SH3PXD2A: variants seen among roughly 807,000 people sequenced by gnomAD.
SH3PXD2A encodes the protein SH3 and PX domains 2A, also known as SH3 and PX domain-containing protein 2A.
In SH3PXD2A, 32 loss-of-function variants were observed where a neutral mutation model predicts 115.2. That is an observed-to-expected ratio of 0.28 (90% CI 0.21 to 0.37). The LOEUF is 0.37. Ranked by LOEUF, SH3PXD2A falls within the 10% of genes least tolerant of loss-of-function variation. The probability of loss-of-function intolerance (pLI) is 1.00; values close to 1 mark genes in which losing one functional copy is unlikely to be tolerated. For missense variants in SH3PXD2A, 1,328 were observed against 1,498.7 expected (o/e 0.89, Z 1.88); for synonymous variants, 610 against 629.1 (o/e 0.97, Z 0.45).
intron 4 of SH3PXD2A, among the ~76,000 whole-genome samples, chr10:103,729,474 T>G (rs560584183): frequency 1.1e-4 from 17 of 152,242 alleles, no homozygotes; most frequent in African/African-American, 3.1e-4. Flanking sequence ...GACTTTCTAA[T>G]AGAGCTCAGG....
intron 1 of SH3PXD2A, among the ~76,000 whole-genome samples, chr10:103,820,812 C>T (rs1761071270): frequency 6.6e-6 from 1 of 152,204 alleles, no homozygotes; most frequent in Non-Finnish European, 1.5e-5. Flanking sequence ...GGCTGGCGCA[C>T]ATGGCCAGAA....
intron 1 of SH3PXD2A, among the ~76,000 whole-genome samples, chr10:103,827,012 G>A (rs1366986627): frequency 6.6e-6 from 1 of 152,196 alleles, no homozygotes; most frequent in East Asian, 1.9e-4. Context: ...AAGTGATCAA[G>A]GGATGAATCC....
intron 2 of SH3PXD2A, among the ~76,000 whole-genome samples, chr10:103,781,088 C>T (rs949592900): frequency 6.6e-6 from 1 of 152,234 alleles, no homozygotes; most frequent in Non-Finnish European, 1.5e-5. Flanking sequence ...ACTATGCTTA[C>T]CATACTGGAC....
intron 8 of SH3PXD2A, among the ~76,000 whole-genome samples, chr10:103,658,919 G>GC (rs1313327535): frequency 6.6e-6 from 1 of 152,152 alleles, no homozygotes. Flanking sequence ...GGGACATGAA[G>GC]CCCCCCAGCA....
At chr10:103,816,997 A>ATTTTTTTTT (rs56260224) in intron 1 of SH3PXD2A, among the ~76,000 whole-genome samples, 5 of 99,606 alleles carry the variant, frequency 5.0e-5, no homozygotes, top group African/African-American at 7.6e-5. Context: ...CACCCGGCTA[A>ATTTTTTTTT]TTTTTTTTTT....
chr10:103,773,403 A>G (rs530126058), intron 2 of SH3PXD2A, among the ~76,000 whole-genome samples: 3 of 151,906 alleles, frequency 2.0e-5, no homozygotes, highest in African/African-American at 7.2e-5. Context: ...AGAGAGGGAC[A>G]ATAATGATAA....
Position 103,669,683 on chromosome 10 carries a change from C to A in SH3PXD2A, c.428-1031G>T, listed in dbSNP as rs147234841. On this transcript the variant is annotated intron_variant, in intron 6 of 14. Transcript: ENST00000369774. ...CATCCCCAGGCTGCTGCTTTCTCTGCTGGGCTGCTCATCACCTCCAAAGGA... is the reference window on the plus strand; with the variant it reads ...CATCCCCAGGCTGCTGCTTTCTCTGATGGGCTGCTCATCACCTCCAAAGGA... Among the ~76,000 whole-genome samples, 315 of 152,356 alleles carry A rather than the reference C, an allele frequency of 2.1e-3. 2 individuals are homozygous for A. The highest frequency in any genetic ancestry group is 7.3e-3 in the African/African-American group (303 of 41,584).
chr10:103,640,852 C>A (rs186065222), intron 8 of SH3PXD2A, among the ~76,000 whole-genome samples: 3 of 152,054 alleles, frequency 2.0e-5, no homozygotes, highest in Non-Finnish European at 4.4e-5. Flanking sequence ...CTGGTGGGCC[C>A]GGGATGTGTC....
chr10:103,779,707 C>A (rs1184267604), intron 2 of SH3PXD2A, among the ~76,000 whole-genome samples: 1 of 152,144 alleles, frequency 6.6e-6, no homozygotes, highest in Non-Finnish European at 1.5e-5. Context: ...AATCCTGGCA[C>A]CAGCCCAGGG....
At chr10:103,736,534 C>A (rs2038382820) in intron 3 of SH3PXD2A, among the ~76,000 whole-genome samples, 1 of 152,252 alleles carries the variant, frequency 6.6e-6, no homozygotes, top group African/African-American at 2.4e-5. Context: ...AGAATCTGAA[C>A]TCCTTGGTTT....
At chr10:103,658,164 C>T (rs946943632) in intron 8 of SH3PXD2A, among the ~76,000 whole-genome samples, 2 of 152,210 alleles carry the variant, frequency 1.3e-5, no homozygotes, top group Admixed American at 1.3e-4. Context: ...CTCTTTAGAC[C>T]AATGAGAGCA....
chr10:103,822,092 C>T (rs188255879), intron 1 of SH3PXD2A, among the ~76,000 whole-genome samples: 52 of 151,992 alleles, frequency 3.4e-4, no homozygotes, highest in African/African-American at 1.2e-3. Flanking sequence ...TTGGTAAAGA[C>T]AGGGTTTCAC....
At chr10:103,806,916 G>A (rs940083426) in intron 1 of SH3PXD2A, among the ~76,000 whole-genome samples, 3 of 152,144 alleles carry the variant, frequency 2.0e-5, no homozygotes, top group Admixed American at 1.3e-4. Context: ...ACACTGCGTG[G>A]GAACTCTCGC....
chr10:103,603,386 T>G lies in SH3PXD2A; in HGVS notation c.1832A>C (p.Asp611Ala). 1 of 1,614,092 alleles carries G rather than the reference T, an allele frequency of 6.2e-7. No individual in the cohort carries two copies. The highest frequency in any genetic ancestry group is 8.5e-7 in the Non-Finnish European group (1 of 1,180,004). The change falls in exon 15 of 15, where the codon GAT becomes GCT. Residue 611 changes from aspartate (D) to alanine (A), a missense_variant. By Grantham distance (126) the Asp-to-Ala change is moderately radical (BLOSUM62 -2). Transcript: ENST00000369774. ...GATGGTCTCCTCTTCCAGGGCCACA[T>G]CCTCTGAAGACTCACCCACCTTGAA... ...ARFKVGESSE[D>A]VALEEETIYE...
chr10:103,661,671 G>C, intron 7 of SH3PXD2A: 2 of 985,084 alleles, frequency 2.0e-6, no homozygotes, highest in South Asian at 9.4e-5. Context: ...CCTCGGGCGG[G>C]AGAGGGAGAG....
At chr10:103,762,012 G>GGCTTTTT (rs2038704736) in intron 3 of SH3PXD2A, among the ~76,000 whole-genome samples, 1 of 95,384 alleles carries the variant, frequency 1.0e-5, no homozygotes, top group Non-Finnish European at 2.2e-5. Flanking sequence ...CAATCAACAC[G>GGCTTTTT]TCTTTTTTTT....
intron 6 of SH3PXD2A, among the ~76,000 whole-genome samples, chr10:103,685,797 A>C (rs2037670249): frequency 6.6e-6 from 1 of 152,202 alleles, no homozygotes; most frequent in Non-Finnish European, 1.5e-5. Flanking sequence ...GAAACTAAGC[A>C]TTCTGGCTCC....
chr10:103,773,092 C>T (rs1387550272), intron 2 of SH3PXD2A, among the ~76,000 whole-genome samples: 16 of 151,970 alleles, frequency 1.1e-4, no homozygotes, highest in Admixed American at 1.0e-3. Context: ...GGCGTGGTGG[C>T]GGGCGCCTAT....
intron 1 of SH3PXD2A, among the ~76,000 whole-genome samples, chr10:103,844,660 C>T (rs545917795): frequency 8.5e-5 from 13 of 152,154 alleles, no homozygotes; most frequent in East Asian, 1.9e-4. Flanking sequence ...TAGAACCAGG[C>T]GCAGGCTGGG....
Sources: gnomAD v4.1 joint callset for allele counts (sites outside exome capture counted in the v4.1 genomes callset) on GRCh38, gnomAD v4.1.1 for gene constraint, MANE v1.5 for transcripts, NCBI Gene and HGNC (gene_info 2026-07-23, HGNC 2026-07-21) for gene names.